ITGB3: variants seen among roughly 807,000 people sequenced by gnomAD.
ITGB3 encodes the protein integrin subunit beta 3.
Under a neutral mutation model 85.8 loss-of-function variants are expected in ITGB3, and 48 were observed. The observed-to-expected ratio is 0.56, with a 90% CI of 0.44 to 0.71. ITGB3 has a LOEUF of 0.71. Among genes scored for constraint, ITGB3 ranks in the 30% least tolerant of loss-of-function variants. The pLI, the probability that ITGB3 is intolerant of heterozygous loss-of-function variation, is 0.00. For missense variants in ITGB3, 861 were observed against 1,019.1 expected, an observed-to-expected ratio of 0.84 and a Z score of 2.11; for synonymous variants, 363 against 395.6, an observed-to-expected ratio of 0.92 and a Z score of 0.98.
At chr17:47,258,159 C>T (rs1292475334) in intron 1 of ITGB3, among the ~76,000 whole-genome samples, 2 of 152,194 alleles carry the variant, frequency 1.3e-5, no homozygotes, top group Admixed American at 6.5e-5. Flanking sequence ...TTTTACCCAG[C>T]CCTCTCTGCT....
At chr17:47,290,385 G>C (rs2065120292) in intron 8 of ITGB3, 111 bp downstream of exon 8, 1 of 914,112 alleles carries the variant, frequency 1.1e-6, no homozygotes, top group Admixed American at 1.7e-5. Flanking sequence ...CGGTCTTACT[G>C]CCTTCTCCGT....
At chr17:47,257,211 C>A (rs1334353828) in intron 1 of ITGB3, among the ~76,000 whole-genome samples, 1 of 152,236 alleles carries the variant, frequency 6.6e-6, no homozygotes, top group Non-Finnish European at 1.5e-5. Flanking sequence ...TGCATATGCG[C>A]TATGCAGGCT....
rs2065215433 is a variant in ITGB3, at chr17:47,311,675, T to A, written c.*1471T>A. On this transcript the variant is annotated 3_prime_UTR_variant, in exon 15 of 15. Transcript: ENST00000559488. ...TATGGGGATAGATGTGTGGACACATTGGACCTTTCCTGAGGAAGAGGGACT... is the reference window on the plus strand; with the variant it reads ...TATGGGGATAGATGTGTGGACACATAGGACCTTTCCTGAGGAAGAGGGACT... 6.6e-6 allele frequency: 1 copy of A among 152,154 alleles called. No homozygotes were observed. Among genetic ancestry groups the A allele is most frequent in the African/African-American group, 2.4e-5 (1 of 41,422 alleles). The allele number at this position is 152,154 out of a possible 1,614,324, so 9.4% of individuals were successfully genotyped here.
At chr17:47,260,658 G>C (rs1413366680) in intron 1 of ITGB3, among the ~76,000 whole-genome samples, 1 of 152,180 alleles carries the variant, frequency 6.6e-6, no homozygotes, top group Non-Finnish European at 1.5e-5. Flanking sequence ...GGAGCCGCCT[G>C]CAAGGAGCAT....
intron 1 of ITGB3, among the ~76,000 whole-genome samples, chr17:47,258,511 A>T (rs976620186): frequency 6.6e-6 from 1 of 151,668 alleles, no homozygotes; most frequent in Non-Finnish European, 1.5e-5. Flanking sequence ...ATACAGTTCT[A>T]TGAATTTTGA....
chr17:47,270,843 A>T (rs1328166416), intron 1 of ITGB3, among the ~76,000 whole-genome samples: 1 of 152,184 alleles, frequency 6.6e-6, no homozygotes. Context: ...TTCCGCATAT[A>T]ATCTAGGGTT....
chr17:47,298,247 A>T (rs538228226), intron 10 of ITGB3, among the ~76,000 whole-genome samples: 1 of 152,362 alleles, frequency 6.6e-6, no homozygotes, highest in East Asian at 1.9e-4. Flanking sequence ...GGTCATTACT[A>T]GTGATTGTCT....
chr17:47,290,402 C>T (rs368020018), intron 8 of ITGB3, 128 bp downstream of exon 8: 21 of 823,628 alleles, frequency 2.5e-5, no homozygotes, highest in African/African-American at 1.3e-4. Flanking sequence ...CCGTGTGCTC[C>T]CAGAGCCCAG....
At chr17:47,291,294 C>G (rs1490424955) in intron 9 of ITGB3, 3 of 625,924 alleles carry the variant, frequency 4.8e-6, no homozygotes, top group Non-Finnish European at 8.4e-6. Flanking sequence ...TAAGCCATTT[C>G]TGTTACGTGA....
Position 47,274,420 on chromosome 17 carries a change from G to A in ITGB3, c.81G>A (p.Gly27=), listed in dbSNP as rs1401489918. 9 of 1,612,308 alleles carry A rather than the reference G, an allele frequency of 5.6e-6. No homozygotes were observed. In the African/African-American group the frequency reaches 9.3e-5, roughly 17 times the overall value. ...AATGCCTTTGTCTGTCTGTTGCAGG[G>A]CCCAACATCTGTACCACGCGAGGTG... ...LGALAGVGVG[G]PNICTTRGVS... Residue 27 remains glycine, a splice_region_variant and synonymous_variant, in exon 2 of 15, where the codon GGG becomes GGA. Transcript: ENST00000559488.
At position 47,291,004 on chromosome 17, in the gene ITGB3, G is replaced by A. The variant is rs1250481949; in HGVS notation, c.1176G>A (p.Leu392=). The change falls in exon 9 of 15, where the codon TTG becomes TTA. Residue 392 remains leucine, a synonymous_variant. Coordinates refer to ENST00000559488, the MANE Select transcript of ITGB3 (RefSeq NM_000212.3). The part of the protein sequence containing the change: ...ELEVRDLPEE[L]SLSFNATCLN... ...AAGTGCGTGACCTCCCTGAAGAGTT[G>A]TCTCTATCCTTCAATGCCACCTGCC... 7 of 1,614,060 alleles carry A rather than the reference G, an allele frequency of 4.3e-6. No individual in the cohort carries two copies. The highest frequency in any genetic ancestry group is 1.6e-4 in the Middle Eastern group (1 of 6,062).
intron 1 of ITGB3, among the ~76,000 whole-genome samples, chr17:47,271,598 G>A (rs1286407139): frequency 6.6e-6 from 1 of 152,026 alleles, no homozygotes; most frequent in Admixed American, 6.6e-5. Flanking sequence ...TATTGTTGTT[G>A]GATAAGAATA....
chr17:47,258,363 G>A (rs762742985), intron 1 of ITGB3, among the ~76,000 whole-genome samples: 2 of 152,174 alleles, frequency 1.3e-5, no homozygotes, highest in South Asian at 2.1e-4. Flanking sequence ...TTATTGAAAC[G>A]TGAGACTCTC....
intron 10 of ITGB3, among the ~76,000 whole-genome samples, chr17:47,296,223 G>A (rs1013179003): frequency 6.6e-6 from 1 of 152,200 alleles, no homozygotes; most frequent in African/African-American, 2.4e-5. Flanking sequence ...AGCTGGGGCA[G>A]CTTGGGTTAT....
At chr17:47,307,404 T>C in intron 13 of ITGB3, 67 bp from the exon 14 acceptor site, 1 of 1,578,846 alleles carries the variant, frequency 6.3e-7, no homozygotes. Flanking sequence ...GAACACCTTT[T>C]TCATAGCCAG....
At chr17:47,295,955 G>T (rs2065144502) in intron 10 of ITGB3, among the ~76,000 whole-genome samples, 1 of 152,196 alleles carries the variant, frequency 6.6e-6, no homozygotes, top group Non-Finnish European at 1.5e-5. Context: ...TAGACTCTTC[G>T]CCTCAGGGTG....
rs34672055 is a variant in ITGB3, at chr17:47,282,098, G to C, written c.166-1256G>C. The stretch of plus-strand genomic sequence containing the variant: ...CAAGTAGCTGGGACTACAGGTGCAC[G>C]CCACCACACCTGGCTAATTTTTGTA... On this transcript the variant is annotated intron_variant, in intron 2 of 14. Transcript: ENST00000559488. Among the ~76,000 whole-genome samples, 596 of 152,068 alleles carry C rather than the reference G, an allele frequency of 3.9e-3. 17 individuals are homozygous for C. The East Asian group carries it at 0.057, about 14-fold the overall frequency.
chr17:47,275,023 AGGTACGGATGGGGTTGGGAGG>A (rs2065058101), intron 2 of ITGB3, among the ~76,000 whole-genome samples: 4 of 152,136 alleles, frequency 2.6e-5, no homozygotes, highest in Admixed American at 6.5e-5. Context: ...CAAGGGGTAT[AGGTACGGATGGGGTTGGGAGG>A]GGTTGCTGGC....
chr17:47,296,859 G>A (rs2065147781), intron 10 of ITGB3, among the ~76,000 whole-genome samples: 1 of 152,198 alleles, frequency 6.6e-6, no homozygotes, highest in Admixed American at 6.5e-5. Context: ...ACCTGGAGAA[G>A]GGGAGATGAC....
Sources: allele counts gnomAD v4.1 joint callset (sites outside exome capture counted in the v4.1 genomes callset), GRCh38; gene constraint gnomAD v4.1.1; transcripts MANE v1.5; gene names NCBI Gene and HGNC (gene_info 2026-07-23, HGNC 2026-07-21).